The following ELMOD3 variants were observed in gnomAD, a reference collection of about 807,000 sequenced individuals.
The protein encoded by ELMOD3 is ELMO domain containing 3.
In ELMOD3, 36 loss-of-function variants were observed where a neutral mutation model predicts 47.4. That is an observed-to-expected ratio of 0.76 (90% CI 0.58 to 1.00). The LOEUF (loss-of-function observed/expected upper bound fraction) is 1.00. Among genes scored for constraint, ELMOD3 ranks in the 50% least tolerant of loss-of-function variants. The pLI, the probability that ELMOD3 is intolerant of heterozygous loss-of-function variation, is 0.00. For synonymous variants in ELMOD3, 149 were observed against 183.5 expected, an observed-to-expected ratio of 0.81 and a Z score of 1.52; for missense variants, 404 against 463.8, an observed-to-expected ratio of 0.87 and a Z score of 1.18.
At chr2:85,361,859 A>AG (rs1683986258) in intron 4 of ELMOD3, among the ~76,000 whole-genome samples, 1 of 151,424 alleles carries the variant, frequency 6.6e-6, no homozygotes, top group Admixed American at 6.6e-5. Flanking sequence ...TGAACCTGGG[A>AG]GGTGGAGCTT....
chr2:85,382,267 G>A (rs568183984), intron 11 of ELMOD3, among the ~76,000 whole-genome samples: 5 of 150,994 alleles, frequency 3.3e-5, no homozygotes, highest in East Asian at 4.0e-4. Flanking sequence ...GTGAAACCCC[G>A]TCTCTACTAA....
intron 11 of ELMOD3, among the ~76,000 whole-genome samples, chr2:85,389,341 C>G (rs1053338167): frequency 2.0e-5 from 3 of 152,090 alleles, no homozygotes; most frequent in Non-Finnish European, 4.4e-5. Flanking sequence ...ACTTTAAGAA[C>G]CCGTAGGGCT....
intron 11 of ELMOD3, among the ~76,000 whole-genome samples, chr2:85,381,328 A>G (rs950684681): frequency 2.0e-5 from 3 of 152,254 alleles, no homozygotes; most frequent in African/African-American, 7.2e-5. Context: ...AACCAAAGCA[A>G]TAACTCAAGG....
intron 10 of ELMOD3, among the ~76,000 whole-genome samples, chr2:85,374,700 T>C (rs1685046215): frequency 6.6e-6 from 1 of 152,060 alleles, no homozygotes; most frequent in African/African-American, 2.4e-5. Context: ...TAGTCCCAGC[T>C]ACTGGGGAGG....
intron 8 of ELMOD3, 147 bp downstream of exon 8, chr2:85,369,977 T>C: frequency 1.0e-6 from 1 of 953,008 alleles, no homozygotes; most frequent in Non-Finnish European, 1.5e-6. Flanking sequence ...GGACCCATGC[T>C]TCATTTGGGG....
intron 10 of ELMOD3, chr2:85,373,010 A>G (rs1404878955): frequency 2.7e-5 from 4 of 150,328 alleles, no homozygotes; most frequent in Admixed American, 1.3e-4. Flanking sequence ...ATCCCAGCAC[A>G]TTGGGAGGCC....
intron 5 of ELMOD3, among the ~76,000 whole-genome samples, chr2:85,362,828 G>A (rs554101206): frequency 1.6e-4 from 25 of 152,342 alleles, no homozygotes; most frequent in African/African-American, 3.4e-4. Context: ...TGAAGTAGGA[G>A]GATCACTTGA....
At chr2:85,382,164 G>T (rs116695506) in intron 11 of ELMOD3, among the ~76,000 whole-genome samples, 12,243 of 145,614 alleles carry the variant, frequency 0.084, 591 homozygotes, top group South Asian at 0.15. Flanking sequence ...ATAGGGCTGG[G>T]TGCAGCGGCT....
Position 85,357,204 on chromosome 2 carries a change from T to C in ELMOD3, c.6T>C (p.Asn2=). 6.2e-7 allele frequency: 1 copy of C among 1,607,040 alleles called. No homozygotes were observed. Among genetic ancestry groups the C allele is most frequent in the South Asian group, 1.1e-5 (1 of 90,006 alleles). M[N]EKSCSFHSKE... ...TGAACAAATGATTTTGAGTCATGAA[T>C]GAAAAATCTTGCTCTTTCCATAGTA... Residue 2 remains asparagine (N), a synonymous_variant, in exon 4 of 14, where the codon AAT becomes AAC. Coordinates refer to ENST00000409013, the MANE Select transcript of ELMOD3 (RefSeq NM_001135022.2).
intron 10 of ELMOD3, chr2:85,371,855 G>A: frequency 3.3e-6 from 1 of 302,178 alleles, no homozygotes; most frequent in Non-Finnish European, 6.4e-6. Flanking sequence ...CCAACATGAT[G>A]AAATCCCATC....
intron 11 of ELMOD3, among the ~76,000 whole-genome samples, chr2:85,389,013 G>A (rs1350199806): frequency 6.6e-6 from 1 of 152,198 alleles, no homozygotes; most frequent in Non-Finnish European, 1.5e-5. Context: ...CTGAAAAAAA[G>A]GCCCTTTCCA....
At chr2:85,363,018 G>A in intron 5 of ELMOD3, 79 bp from the exon 6 acceptor site, 1 of 871,626 alleles carries the variant, frequency 1.1e-6, no homozygotes, top group Non-Finnish European at 1.9e-6. Flanking sequence ...AGGACATTCA[G>A]TACAGTGGGT....
At chr2:85,363,315 A>T in intron 6 of ELMOD3, 149 bp downstream of exon 6, 1 of 611,104 alleles carries the variant, frequency 1.6e-6, no homozygotes, top group Non-Finnish European at 2.9e-6. Flanking sequence ...TAGAATCAAC[A>T]CTGAATTAGG....
intron 11 of ELMOD3, among the ~76,000 whole-genome samples, chr2:85,379,985 G>A (rs1558712721): frequency 6.6e-6 from 1 of 152,194 alleles, no homozygotes; most frequent in Non-Finnish European, 1.5e-5. Flanking sequence ...TTCAGGGACT[G>A]TGTACACAAA....
intron 7 of ELMOD3, 21 bp downstream of exon 7, chr2:85,368,775 G>T: frequency 6.2e-7 from 1 of 1,613,790 alleles, no homozygotes; most frequent in South Asian, 1.1e-5. Flanking sequence ...GAATGCTGCT[G>T]TCTCCCCATA....
rs773540331 is a variant in ELMOD3 at position 85,390,025 on chromosome 2, G to A, written c.816-113G>A. On this transcript the variant is annotated intron_variant, in intron 12 of 13. Coordinates refer to ENST00000409013, the MANE Select transcript of ELMOD3 (RefSeq NM_001135022.2). ...GTCAGGCTCCTGGGGAATGGTGGGG[G>A]CATCCTGGGTTTGGGCTGGCTCCCC... 4.2e-6 allele frequency: 5 copies of A among 1,188,722 alleles called. No homozygotes were observed. In the Admixed American group the frequency reaches 6.7e-5, roughly 16 times the overall value. 73.6% of individuals were successfully genotyped at this position (1,188,722 alleles called of 1,614,324 possible).
At chr2:85,362,106 A>C in intron 4 of ELMOD3, 80 bp from the exon 5 acceptor site, 2 of 969,186 alleles carry the variant, frequency 2.1e-6, no homozygotes, top group South Asian at 2.8e-5. Flanking sequence ...AAGTTAAAAA[A>C]AAAAAAAGTA....
intron 11 of ELMOD3, among the ~76,000 whole-genome samples, chr2:85,384,160 A>T (rs1168018694): frequency 6.6e-6 from 1 of 152,256 alleles, no homozygotes; most frequent in Non-Finnish European, 1.5e-5. Flanking sequence ...CTCAGTGAGC[A>T]GAGGGGTAAC....
At chr2:85,379,992 C>CA (rs1480907538) in intron 11 of ELMOD3, among the ~76,000 whole-genome samples, 2 of 152,148 alleles carry the variant, frequency 1.3e-5, no homozygotes, top group Admixed American at 1.3e-4. Flanking sequence ...ACTGTGTACA[C>CA]AAAATATGAG....
Sources: allele counts gnomAD v4.1 joint callset (sites outside exome capture counted in the v4.1 genomes callset), GRCh38; gene constraint gnomAD v4.1.1; transcripts MANE v1.5; gene names NCBI Gene and HGNC (gene_info 2026-07-23, HGNC 2026-07-21).